ST8SIA2: variants seen among roughly 807,000 people sequenced by gnomAD.
ST8SIA2 encodes alpha-2,8-sialyltransferase 8B.
Under a neutral mutation model 37.6 loss-of-function variants are expected in ST8SIA2, and 22 were observed. The ratio of observed to expected loss-of-function variants is 0.58; its 90% CI spans 0.42 to 0.83. The LOEUF (loss-of-function observed/expected upper bound fraction) is 0.83. ST8SIA2 is among the 40% of genes least tolerant of loss of function. The pLI, the probability that ST8SIA2 is intolerant of heterozygous loss-of-function variation, is 0.00. For synonymous variants in ST8SIA2, 205 were observed against 201.2 expected (o/e 1.02, Z -0.16); for missense variants, 382 against 484.7 (o/e 0.79, Z 1.99).
rs573268839 is a variant in ST8SIA2 at position 92,395,852 on chromosome 15, A to G, written c.98+1690A>G. 1.1e-4 allele frequency among the ~76,000 whole-genome samples: 16 copies of G among 152,356 alleles called. No homozygotes were observed. In the South Asian group the frequency reaches 1.2e-3, roughly 12 times the overall value. ...CTGCCCATTGTCCTGTTATAAAAAC[A>G]TAAGTGCTGTGCTTATCCAGGCACC... On this transcript the variant is annotated intron_variant, in intron 1 of 5. Coordinates refer to ENST00000268164, the MANE Select transcript of ST8SIA2 (RefSeq NM_006011.4).
intron 5 of ST8SIA2, 70 bp from the exon 6 acceptor site, chr15:92,464,030 T>C: frequency 6.6e-7 from 1 of 1,508,076 alleles, no homozygotes; most frequent in East Asian, 2.5e-5. Flanking sequence ...ATAAAATTTT[T>C]GTCTTCCTGG....
intron 1 of ST8SIA2, among the ~76,000 whole-genome samples, chr15:92,413,707 G>A (rs946419663): frequency 6.6e-6 from 1 of 152,224 alleles, no homozygotes; most frequent in Non-Finnish European, 1.5e-5. Context: ...TCAGGCCCCT[G>A]CGGTCATGTG....
At chr15:92,462,107 C>A (rs2049961472) in intron 5 of ST8SIA2, among the ~76,000 whole-genome samples, 2 of 151,290 alleles carry the variant, frequency 1.3e-5, no homozygotes, top group Non-Finnish European at 2.9e-5. Context: ...TAGGGGCCAC[C>A]CAAGGAGGCT....
intron 4 of ST8SIA2, among the ~76,000 whole-genome samples, chr15:92,441,577 G>GCACACACACA (rs112388744): frequency 7.0e-6 from 1 of 143,258 alleles, no homozygotes; most frequent in East Asian, 2.1e-4. Context: ...CACTGTGCAT[G>GCACACACACA]CACACACACA....
At chr15:92,417,881 C>T (rs1364691521) in intron 1 of ST8SIA2, among the ~76,000 whole-genome samples, 1 of 152,144 alleles carries the variant, frequency 6.6e-6, no homozygotes. Flanking sequence ...GAGAGTCTAG[C>T]TTGAATATTT....
intron 5 of ST8SIA2, among the ~76,000 whole-genome samples, chr15:92,451,177 A>G (rs8032091): frequency 0.23 from 34,791 of 152,140 alleles, 5,731 homozygotes; most frequent in African/African-American, 0.46. Context: ...TGGCACAACC[A>G]GGAACTGAAC....
intron 1 of ST8SIA2, among the ~76,000 whole-genome samples, chr15:92,406,851 G>A (rs893689997): frequency 1.3e-5 from 2 of 151,996 alleles, no homozygotes; most frequent in African/African-American, 4.8e-5. Context: ...AAAATTAGCT[G>A]GGCGTGGTGG....
chr15:92,465,460 T>A lies in ST8SIA2; in HGVS notation c.*1075T>A, dbSNP rs762987090. On this transcript the variant is annotated 3_prime_UTR_variant, in exon 6 of 6. Coordinates refer to ENST00000268164, the MANE Select transcript of ST8SIA2 (RefSeq NM_006011.4). ...TTGGGTGCCTCACAGAGCCCCAGAG[T>A]GTGAGACCTGAAAGAATGTTCAGCA... 3.3e-5 allele frequency: 5 copies of A among 152,164 alleles called. No homozygotes were observed. The highest frequency in any genetic ancestry group is 7.3e-5 in the Non-Finnish European group (5 of 68,034). The allele number at this position is 152,164 out of a possible 1,614,324, so 9.4% of individuals were successfully genotyped here.
chr15:92,404,733 G>T (rs1596229260), intron 1 of ST8SIA2, among the ~76,000 whole-genome samples: 1 of 151,596 alleles, frequency 6.6e-6, no homozygotes, highest in East Asian at 1.9e-4. Flanking sequence ...CTACTCGGAG[G>T]CTGAGACAGG....
intron 5 of ST8SIA2, among the ~76,000 whole-genome samples, chr15:92,461,139 G>A (rs566787753): frequency 5.3e-5 from 8 of 152,136 alleles, no homozygotes; most frequent in Non-Finnish European, 1.0e-4. Flanking sequence ...TGATCACAAC[G>A]CAGCCTCCTA....
intron 5 of ST8SIA2, among the ~76,000 whole-genome samples, chr15:92,446,851 G>C (rs2049846351): frequency 6.6e-6 from 1 of 152,110 alleles, no homozygotes; most frequent in Non-Finnish European, 1.5e-5. Flanking sequence ...TCAACCAAGA[G>C]ACAAATGTGG....
rs753503840 is a variant in ST8SIA2 at position 92,434,228 on chromosome 15, C to CT, written c.162-10dup. ...CTAACACATCATGTCTACCCTCTTT[C>CT]TTTTTTTTTCCCTTCCAGAGCTGAA... On this transcript the variant is annotated intron_variant, in intron 2 of 5. Coordinates refer to ENST00000268164, the MANE Select transcript of ST8SIA2 (RefSeq NM_006011.4). 6.5e-5 allele frequency: 104 copies of CT among 1,605,884 alleles called. No homozygotes were observed. Among genetic ancestry groups the CT allele is most frequent in the East Asian group, 1.1e-4 (5 of 44,376 alleles).
Position 92,464,672 on chromosome 15 carries a change from G to A in ST8SIA2, c.*287G>A. The A allele has an allele frequency of 2.3e-6, 1 of 443,608 alleles. No homozygotes were observed. Among genetic ancestry groups the A allele is most frequent in the Non-Finnish European group, 4.1e-6 (1 of 245,608 alleles). 27.5% of individuals were successfully genotyped at this position (443,608 alleles called of 1,614,324 possible). A position where few individuals can be genotyped will look rare whatever the true frequency, so the allele number is the denominator to read the frequency against. ...ACTCAATCCATCTTTGGGGGTGGAA[G>A]GACTTGACATGAAAAGAAGCCAGTC... On this transcript the variant is annotated 3_prime_UTR_variant, in exon 6 of 6. Coordinates refer to ENST00000268164, the MANE Select transcript of ST8SIA2 (RefSeq NM_006011.4).
intron 1 of ST8SIA2, among the ~76,000 whole-genome samples, chr15:92,409,616 A>T (rs143661463): frequency 6.6e-6 from 1 of 152,186 alleles, no homozygotes; most frequent in East Asian, 1.9e-4. Context: ...GACACCTGGT[A>T]CATGCTCAGT....
At chr15:92,420,548 T>C (rs2049625560) in intron 1 of ST8SIA2, among the ~76,000 whole-genome samples, 3 of 152,158 alleles carry the variant, frequency 2.0e-5, no homozygotes, top group Admixed American at 1.3e-4. Context: ...CTGGTACCTT[T>C]TTGTACACCA....
intron 1 of ST8SIA2, among the ~76,000 whole-genome samples, chr15:92,421,464 G>A (rs1012803783): frequency 5.9e-5 from 9 of 152,236 alleles, no homozygotes; most frequent in Admixed American, 6.5e-5. Context: ...AATAACATCA[G>A]TATCAAATGA....
At chr15:92,440,865 G>A (rs758647490) in intron 4 of ST8SIA2, among the ~76,000 whole-genome samples, 4 of 152,190 alleles carry the variant, frequency 2.6e-5, no homozygotes, top group Non-Finnish European at 4.4e-5. Flanking sequence ...ATGTGAATAC[G>A]CCTGGGATGG....
intron 1 of ST8SIA2, among the ~76,000 whole-genome samples, chr15:92,397,823 T>C (rs2049442199): frequency 6.6e-6 from 1 of 152,150 alleles, no homozygotes; most frequent in Admixed American, 6.5e-5. Flanking sequence ...ACACACAGCA[T>C]CCTTGGGCAA....
At chr15:92,458,697 T>A (rs980617825) in intron 5 of ST8SIA2, among the ~76,000 whole-genome samples, 1 of 152,056 alleles carries the variant, frequency 6.6e-6, no homozygotes, top group Non-Finnish European at 1.5e-5. Context: ...GCACAATGCA[T>A]AAGACTGGAG....
Sources: gnomAD v4.1 joint callset for allele counts (sites outside exome capture counted in the v4.1 genomes callset) on GRCh38, gnomAD v4.1.1 for gene constraint, MANE v1.5 for transcripts, NCBI Gene and HGNC (gene_info 2026-07-23, HGNC 2026-07-21) for gene names.